Variants in XKR4 observed in about 807,000 individuals in gnomAD.
XKR4 encodes the protein XK-related protein 4.
A neutral mutation model predicts 53.9 loss-of-function variants in XKR4; 12 were observed. That is an observed-to-expected ratio of 0.22 (90% CI 0.14 to 0.36). The LOEUF (loss-of-function observed/expected upper bound fraction) is 0.36, where lower values mean the gene tolerates loss of function less well. Among genes scored for constraint, XKR4 ranks in the 10% least tolerant of loss-of-function variants. The pLI is 1.00. For synonymous variants in XKR4, 354 were observed against 362.4 expected (o/e 0.98, Z 0.26); for missense variants, 799 against 859.5 (o/e 0.93, Z 0.88).
intron 1 of XKR4, among the ~76,000 whole-genome samples, chr8:55,262,483 G>A (rs928690435): frequency 4.7e-4 from 72 of 152,318 alleles, no homozygotes; most frequent in African/African-American, 1.6e-3. Flanking sequence ...TTTAGTTAAG[G>A]GCAGGAAGGT....
At chr8:55,461,013 C>G (rs1034723068) in intron 2 of XKR4, among the ~76,000 whole-genome samples, 1 of 152,198 alleles carries the variant, frequency 6.6e-6, no homozygotes, top group African/African-American at 2.4e-5. Flanking sequence ...CACCACAGCT[C>G]AAGGAGGCCT....
chr8:55,477,230 C>A (rs1325512615), intron 2 of XKR4, among the ~76,000 whole-genome samples: 2 of 152,098 alleles, frequency 1.3e-5, no homozygotes, highest in Non-Finnish European at 2.9e-5. Flanking sequence ...TTGCAGTTCA[C>A]CAAGATCCGC....
chr8:55,471,036 T>C (rs954606751), intron 2 of XKR4, among the ~76,000 whole-genome samples: 5 of 152,082 alleles, frequency 3.3e-5, no homozygotes, highest in African/African-American at 1.2e-4. Flanking sequence ...CTGGCAACAA[T>C]ATAGAGTTGC....
chr8:55,146,882 AG>A (rs1160596399), intron 1 of XKR4, among the ~76,000 whole-genome samples: 5 of 152,152 alleles, frequency 3.3e-5, no homozygotes, highest in Non-Finnish European at 7.4e-5. Flanking sequence ...TGGGTAGGGG[AG>A]GGGGCAGCTG....
intron 1 of XKR4, among the ~76,000 whole-genome samples, chr8:55,186,141 A>G (rs1817373541): frequency 6.6e-6 from 1 of 152,104 alleles, no homozygotes; most frequent in South Asian, 2.1e-4. Context: ...AAACCAATTC[A>G]TCTCCCAGAA....
At chr8:55,468,344 G>A (rs969596688) in intron 2 of XKR4, among the ~76,000 whole-genome samples, 14 of 152,078 alleles carry the variant, frequency 9.2e-5, no homozygotes, top group African/African-American at 3.4e-4. Flanking sequence ...TCAGTTTACA[G>A]CTCTGAGTAT....
chr8:55,510,199 G>A (rs954611888), intron 2 of XKR4, among the ~76,000 whole-genome samples: 2 of 152,230 alleles, frequency 1.3e-5, no homozygotes, highest in South Asian at 2.1e-4. Flanking sequence ...GATGGAAAGG[G>A]ACAAAACGGC....
chr8:55,499,582 T>C (rs752558705), intron 2 of XKR4, among the ~76,000 whole-genome samples: 1 of 152,196 alleles, frequency 6.6e-6, no homozygotes, highest in African/African-American at 2.4e-5. Context: ...GAGAACTTGT[T>C]CTCCTCACAT....
intron 2 of XKR4, among the ~76,000 whole-genome samples, chr8:55,515,570 A>G (rs1165318848): frequency 6.6e-6 from 1 of 152,238 alleles, no homozygotes; most frequent in East Asian, 1.9e-4. Context: ...CTACTCTTAG[A>G]TCACATGATT....
At chr8:55,168,583 G>A (rs1399746859) in intron 1 of XKR4, among the ~76,000 whole-genome samples, 1 of 152,132 alleles carries the variant, frequency 6.6e-6, no homozygotes, top group Admixed American at 6.5e-5. Flanking sequence ...AAGAACAGAT[G>A]TCTACTTCCC....
At chr8:55,201,585 T>C (rs1817577595) in intron 1 of XKR4, among the ~76,000 whole-genome samples, 1 of 152,236 alleles carries the variant, frequency 6.6e-6, no homozygotes, top group Admixed American at 6.5e-5. Flanking sequence ...CTTTGACCTC[T>C]TACCCTGTCT....
chr8:55,454,328 G>T (rs552889154), intron 2 of XKR4: 3 of 1,501,868 alleles, frequency 2.0e-6, no homozygotes, highest in Non-Finnish European at 2.8e-6. Context: ...GGGCGTGGGT[G>T]TGCTGAGGGC....
At chr8:55,323,839 C>A (rs1373994606) in intron 1 of XKR4, among the ~76,000 whole-genome samples, 1 of 152,122 alleles carries the variant, frequency 6.6e-6, no homozygotes, top group Non-Finnish European at 1.5e-5. Flanking sequence ...ATTGATCTGT[C>A]TTCAAGTTCA....
chr8:55,332,807 C>T (rs560869911), intron 1 of XKR4, among the ~76,000 whole-genome samples: 4 of 151,662 alleles, frequency 2.6e-5, no homozygotes, highest in African/African-American at 9.7e-5. Context: ...CAAGTAATCC[C>T]TCTATTCCTT....
chr8:55,247,034 T>G (rs946998637), intron 1 of XKR4, among the ~76,000 whole-genome samples: 2 of 152,204 alleles, frequency 1.3e-5, no homozygotes, highest in Non-Finnish European at 2.9e-5. Context: ...GAAAGACAAG[T>G]GTACTCCCTT....
chr8:55,492,892 ACT>A, intron 2 of XKR4, among the ~76,000 whole-genome samples: 1 of 152,222 alleles, frequency 6.6e-6, no homozygotes, highest in East Asian at 1.9e-4. Context: ...ATCTGAGGTC[ACT>A]CTCTCAGCAC....
chr8:55,269,271 CTCTT>C (rs1818654456), intron 1 of XKR4, among the ~76,000 whole-genome samples: 1 of 151,776 alleles, frequency 6.6e-6, no homozygotes, highest in Non-Finnish European at 1.5e-5. Context: ...TTCTCACTCT[CTCTT>C]TTTTTTTTGT....
intron 1 of XKR4, among the ~76,000 whole-genome samples, chr8:55,210,226 A>G (rs1817712533): frequency 6.6e-6 from 1 of 152,072 alleles, no homozygotes; most frequent in African/African-American, 2.4e-5. Flanking sequence ...CTGGGATTAC[A>G]GGTGCTCGCC....
intron 2 of XKR4, among the ~76,000 whole-genome samples, chr8:55,366,545 C>T (rs561742521): frequency 5.3e-5 from 8 of 152,318 alleles, no homozygotes; most frequent in Admixed American, 5.2e-4. Flanking sequence ...TACCTTATGT[C>T]CCCCTTGAAA....
Sources: gnomAD v4.1 joint callset for allele counts (sites outside exome capture counted in the v4.1 genomes callset) on GRCh38, gnomAD v4.1.1 for gene constraint, MANE v1.5 for transcripts, NCBI Gene and HGNC (gene_info 2026-07-23, HGNC 2026-07-21) for gene names.